UBE3D: variants seen among roughly 807,000 people sequenced by gnomAD.
UBE3D encodes the protein ubiquitin protein ligase E3D, also known as E3 ubiquitin-protein ligase E3D.
UBE3D carries 48 observed loss-of-function variants against 49.6 expected under a neutral mutation model. The ratio of observed to expected loss-of-function variants is 0.97; its 90% CI spans 0.77 to 1.23. The LOEUF (loss-of-function observed/expected upper bound fraction) is 1.23. UBE3D is among the 50% of genes most tolerant of loss of function. The probability of loss-of-function intolerance (pLI) is 0.00; values close to 1 mark genes in which losing one functional copy is unlikely to be tolerated. For synonymous variants in UBE3D, 189 were observed against 174.2 expected, an observed-to-expected ratio of 1.08 and a Z score of -0.67; for missense variants, 452 against 468.4, an observed-to-expected ratio of 0.96 and a Z score of 0.32.
intron 9 of UBE3D, among the ~76,000 whole-genome samples, chr6:82,918,673 T>C (rs1027605881): frequency 6.6e-6 from 1 of 152,038 alleles, no homozygotes; most frequent in Non-Finnish European, 1.5e-5. Flanking sequence ...TACAGTCTTT[T>C]TAAATAAACA....
chr6:82,978,813 G>A (rs1296293870), intron 8 of UBE3D, among the ~76,000 whole-genome samples: 1 of 152,168 alleles, frequency 6.6e-6, no homozygotes, highest in African/African-American at 2.4e-5. Context: ...CATTACTCAT[G>A]TAACCACATT....
intron 9 of UBE3D, among the ~76,000 whole-genome samples, chr6:82,935,121 C>A (rs1304168952): frequency 6.6e-6 from 1 of 150,462 alleles, no homozygotes; most frequent in Non-Finnish European, 1.5e-5. Context: ...TTATAGGAAG[C>A]ATGGTGCTGG....
chr6:82,883,488 T>C, the UBE3D span, among the ~76,000 whole-genome samples: 3 of 152,228 alleles, frequency 2.0e-5, no homozygotes, highest in Non-Finnish European at 4.4e-5. Flanking sequence ...AATAAAATAC[T>C]GGACCTGACC....
intron 8 of UBE3D, among the ~76,000 whole-genome samples, chr6:82,958,857 C>A (rs1466859380): frequency 6.6e-6 from 1 of 152,158 alleles, no homozygotes; most frequent in Non-Finnish European, 1.5e-5. Flanking sequence ...GTGGCCAAAG[C>A]AAGATGCTTT....
chr6:82,996,258 A>C (rs1484530862), intron 8 of UBE3D, among the ~76,000 whole-genome samples: 1 of 152,106 alleles, frequency 6.6e-6, no homozygotes, highest in African/African-American at 2.4e-5. Context: ...GCAAAGGGAC[A>C]TGAGAGTCAA....
chr6:83,032,532 T>G (rs1295112792), intron 5 of UBE3D, among the ~76,000 whole-genome samples: 1 of 152,208 alleles, frequency 6.6e-6, no homozygotes, highest in African/African-American at 2.4e-5. Flanking sequence ...TTGCCTTGTA[T>G]CCGATGAGAC....
At chr6:82,967,259 A>C (rs969619606) in intron 8 of UBE3D, among the ~76,000 whole-genome samples, 1 of 152,218 alleles carries the variant, frequency 6.6e-6, no homozygotes, top group Non-Finnish European at 1.5e-5. Flanking sequence ...GGATAACTAC[A>C]TCAACATTGA....
At chr6:82,925,098 T>C (rs1773648153) in intron 9 of UBE3D, 1 of 152,754 alleles carries the variant, frequency 6.5e-6, no homozygotes, top group Non-Finnish European at 1.5e-5. Context: ...TGGTCCCCCA[T>C]TGCAATGCTA....
intron 8 of UBE3D, among the ~76,000 whole-genome samples, chr6:83,008,741 A>G (rs1449167002): frequency 6.6e-6 from 1 of 152,222 alleles, no homozygotes; most frequent in Non-Finnish European, 1.5e-5. Flanking sequence ...CATGTGCCAA[A>G]AATATGCCAG....
chr6:83,060,837 T>C (rs745512852), intron 1 of UBE3D, among the ~76,000 whole-genome samples: 2 of 152,018 alleles, frequency 1.3e-5, no homozygotes, highest in African/African-American at 2.4e-5. Context: ...AAGTAGCCCA[T>C]TGAATAAAAT....
intron 9 of UBE3D, among the ~76,000 whole-genome samples, chr6:82,903,838 G>A (rs969869307): frequency 2.6e-5 from 4 of 152,064 alleles, no homozygotes; most frequent in Non-Finnish European, 4.4e-5. Context: ...GTTTATAAAC[G>A]GTCATACCAC....
rs528706130 is a variant in UBE3D at position 82,959,011 on chromosome 6, T to C, written c.1011-1561A>G. Among the ~76,000 whole-genome samples, 14 of 152,186 alleles carry C rather than the reference T, an allele frequency of 9.2e-5. No homozygotes were observed. The East Asian group carries it at 2.5e-3, about 27-fold the overall frequency. ...AAACAGATGGAAGATAAGGTAAATA[T>C]GTTTATTTGGGTCCACTGCAGTCTC... is the stretch of plus-strand genomic sequence containing the variant. On this transcript the variant is annotated intron_variant, in intron 8 of 9. Transcript: ENST00000369747.
Position 83,038,504 on chromosome 6 carries a change from T to A in UBE3D, c.598-19A>T. ...TTGGTTCCTGTAGAACAGAAAAATG[T>A]CATTTAAATGTCATTCAGCTTTTCT... On this transcript the variant is annotated intron_variant, in intron 4 of 9. Coordinates refer to ENST00000369747, the MANE Select transcript of UBE3D (RefSeq NM_198920.3). 6.3e-7 allele frequency: 1 copy of A among 1,589,612 alleles called. No homozygotes were observed. The highest frequency in any genetic ancestry group is 8.6e-7 in the Non-Finnish European group (1 of 1,165,278).
intron 1 of UBE3D, 35 bp downstream of exon 1, chr6:83,065,607 G>T: frequency 6.2e-7 from 1 of 1,608,448 alleles, no homozygotes; most frequent in Non-Finnish European, 8.5e-7. Flanking sequence ...GCAGTAAAGC[G>T]AGCTGGGCAC....
intron 8 of UBE3D, among the ~76,000 whole-genome samples, chr6:83,000,778 C>A (rs1048645472): frequency 6.6e-6 from 1 of 152,174 alleles, no homozygotes; most frequent in Non-Finnish European, 1.5e-5. Flanking sequence ...CTGCCTCCCA[C>A]CCCTTGCCTA....
chr6:82,970,478 A>C lies in UBE3D; in HGVS notation c.1011-13028T>G, dbSNP rs561883709. On this transcript the variant is annotated intron_variant, in intron 8 of 9. Coordinates refer to ENST00000369747, the MANE Select transcript of UBE3D (RefSeq NM_198920.3). ...CAAAGGACAGAAATTCATTTTTAAAAAGGTTTTTAAGTAGTGATTTTTAAA... is the reference window on the plus strand; with the variant it reads ...CAAAGGACAGAAATTCATTTTTAAACAGGTTTTTAAGTAGTGATTTTTAAA... Among the ~76,000 whole-genome samples, 47 of 152,324 alleles carry C rather than the reference A, an allele frequency of 3.1e-4. 1 individual carries two copies. Among genetic ancestry groups the C allele is most frequent in the African/African-American group, 1.0e-3 (43 of 41,578 alleles).
intron 1 of UBE3D, chr6:83,063,284 T>G: frequency 4.8e-6 from 1 of 207,990 alleles, no homozygotes; most frequent in Non-Finnish European, 1.0e-5. Context: ...CATGGTGGCA[T>G]GCAACTTGTA....
intron 8 of UBE3D, among the ~76,000 whole-genome samples, chr6:82,986,840 T>C (rs1039719436): frequency 4.7e-5 from 7 of 148,582 alleles, no homozygotes; most frequent in African/African-American, 1.7e-4. Flanking sequence ...TACAAAGTTT[T>C]TCATAGGTGT....
At chr6:82,994,300 A>G (rs1192526869) in intron 8 of UBE3D, among the ~76,000 whole-genome samples, 7 of 152,228 alleles carry the variant, frequency 4.6e-5, no homozygotes, top group African/African-American at 1.4e-4. Context: ...TAATTGAAAT[A>G]GAAAGTTTAG....
Sources: gnomAD v4.1 joint callset for allele counts (sites outside exome capture counted in the v4.1 genomes callset) on GRCh38, gnomAD v4.1.1 for gene constraint, MANE v1.5 for transcripts, NCBI Gene and HGNC (gene_info 2026-07-23, HGNC 2026-07-21) for gene names.